MTR: variants seen among roughly 807,000 people sequenced by gnomAD.
MTR encodes the protein 5-methyltetrahydrofolate-homocysteine methyltransferase, also known as methionine synthase.
MTR carries 84 observed loss-of-function variants against 154.8 expected under a neutral mutation model. That is an observed-to-expected ratio of 0.54 (90% CI 0.45 to 0.65). The LOEUF (loss-of-function observed/expected upper bound fraction) is 0.65, where lower values mean the gene tolerates loss of function less well. MTR is among the 30% of genes least tolerant of loss of function. MTR has a pLI of 0.00. For synonymous variants in MTR, 554 were observed against 553.9 expected (o/e 1.00, Z 0.00); for missense variants, 1,275 against 1,570.2 (o/e 0.81, Z 3.18).
chr1:236,849,460 G>A (rs1663773797), intron 15 of MTR, among the ~76,000 whole-genome samples: 1 of 152,222 alleles, frequency 6.6e-6, no homozygotes, highest in Admixed American at 6.5e-5. Context: ...ATTTAAGGTA[G>A]GCTCTGAAAA....
intron 32 of MTR, among the ~76,000 whole-genome samples, 190 bp downstream of exon 32, chr1:236,897,308 A>ATGTG (rs57608445): frequency 2.3e-5 from 3 of 131,452 alleles, no homozygotes; most frequent in East Asian, 2.3e-4. Context: ...AGCCACACAC[A>ATGTG]CGCACACACA....
Position 236,897,738 on chromosome 1 carries a change from T to G in MTR, c.*94T>G. 9.1e-7 allele frequency: 1 copy of G among 1,093,866 alleles called. No individual in the cohort carries two copies. The highest frequency in any genetic ancestry group is 1.4e-6 in the Non-Finnish European group (1 of 722,410). 67.8% of individuals were successfully genotyped at this position (1,093,866 alleles called of 1,614,324 possible). On this transcript the variant is annotated 3_prime_UTR_variant, in exon 33 of 33. Transcript: ENST00000366577. ...AAATAACAACAACAAAAAACCTGTG[T>G]GCATCTGGCTGACACTTACCTGCTT...
In MTR at chr1:236,795,622, T is replaced by C; in HGVS notation, c.-82T>C. The C allele has an allele frequency of 6.2e-7, 1 of 1,606,596 alleles. No homozygotes were observed. The highest frequency in any genetic ancestry group is 8.5e-7 in the Non-Finnish European group (1 of 1,178,656). ...TGTGGCAGGCTCGCCTGGCGCTGGC[T>C]GGCGTGGCCCTTGGCCGTCGTCACC... is the stretch of plus-strand genomic sequence containing the variant. On this transcript the variant is annotated 5_prime_UTR_variant, in exon 1 of 33. Transcript: ENST00000366577.
Position 236,852,634 on chromosome 1 carries a change from C to T in MTR, c.1809C>T (p.Ile603=). 1 of 1,610,698 alleles carries T rather than the reference C, an allele frequency of 6.2e-7. No homozygotes were observed. Among genetic ancestry groups the T allele is most frequent in the South Asian group, 1.1e-5 (1 of 91,004 alleles). Reference sequence around the variant, plus strand: ...ATGGGGTTTTCCTTTACCATGCAATCAAGGTATGGTAGAAGAACTCTTAGC... The same window carrying T: ...ATGGGGTTTTCCTTTACCATGCAATTAAGGTATGGTAGAAGAACTCTTAGC... ...AMHGVFLYHA[I]KSGMDMGIVN... The change falls in exon 17 of 33, where the codon ATC becomes ATT. Residue 603 remains isoleucine (I), a synonymous_variant. Coordinates refer to ENST00000366577, the MANE Select transcript of MTR (RefSeq NM_000254.3).
chr1:236,825,680 G>C (rs1662248869), intron 10 of MTR, among the ~76,000 whole-genome samples: 1 of 152,126 alleles, frequency 6.6e-6, no homozygotes, highest in Admixed American at 6.5e-5. Flanking sequence ...TTCCCCTGCA[G>C]CCTTCCCAAA....
At chr1:236,874,944 T>C (rs746714279) in intron 24 of MTR, 98 bp downstream of exon 24, 16 of 1,342,904 alleles carry the variant, frequency 1.2e-5, no homozygotes, top group Non-Finnish European at 1.2e-5. Flanking sequence ...TTTTCCCTTA[T>C]GTTTAGTACA....
chr1:236,820,469 TC>T, intron 8 of MTR: 1 of 1,406,818 alleles, frequency 7.1e-7, no homozygotes, highest in Non-Finnish European at 9.9e-7. Context: ...GGTCTGCAGC[TC>T]CCACTGCTCA....
intron 15 of MTR, among the ~76,000 whole-genome samples, chr1:236,843,977 A>C (rs1406022051): frequency 6.6e-6 from 1 of 152,168 alleles, no homozygotes; most frequent in Non-Finnish European, 1.5e-5. Context: ...TTATTTGTAC[A>C]TGCTATTTAA....
intron 22 of MTR, among the ~76,000 whole-genome samples, chr1:236,869,669 A>T (rs1372544070): frequency 6.6e-6 from 1 of 152,206 alleles, no homozygotes; most frequent in African/African-American, 2.4e-5. Context: ...AGAGTCAAGG[A>T]AGATGGGGTT....
At chr1:236,842,702 C>A (rs76344770) in intron 15 of MTR, among the ~76,000 whole-genome samples, 3 of 150,792 alleles carry the variant, frequency 2.0e-5, no homozygotes, top group African/African-American at 4.9e-5. Flanking sequence ...GAGGAGACAA[C>A]GGAGAATAAA....
chr1:236,795,494 C>G lies in MTR; in HGVS notation c.-210C>G, dbSNP rs1660316622. 5 of 1,518,850 alleles carry G rather than the reference C, an allele frequency of 3.3e-6. No individual in the cohort carries two copies. Among genetic ancestry groups the G allele is most frequent in the Non-Finnish European group, 4.4e-6 (5 of 1,135,728 alleles). 94.1% of individuals were successfully genotyped at this position (1,518,850 alleles called of 1,614,324 possible). On this transcript the variant is annotated 5_prime_UTR_variant, in exon 1 of 33. Coordinates refer to ENST00000366577, the MANE Select transcript of MTR (RefSeq NM_000254.3). ...AGAAAGCACGTGCTCCAGCAGTTGC[C>G]GCGCCCAGCCCCGAGAGAGGCCCTA...
At chr1:236,820,185 C>T (rs1159979950) in intron 8 of MTR, 1 of 761,892 alleles carries the variant, frequency 1.3e-6, no homozygotes, top group Non-Finnish European at 2.4e-6. Flanking sequence ...AAGTTCTGCA[C>T]ATGCGTGGCA....
At chr1:236,842,456 C>T (rs1180594206) in intron 15 of MTR, among the ~76,000 whole-genome samples, 1 of 151,962 alleles carries the variant, frequency 6.6e-6, no homozygotes, top group South Asian at 2.1e-4. Flanking sequence ...ATATTTCTTT[C>T]CTGTTTTCCA....
At chr1:236,883,060 G>A (rs1397763559) in intron 25 of MTR, among the ~76,000 whole-genome samples, 1 of 152,148 alleles carries the variant, frequency 6.6e-6, no homozygotes, top group Non-Finnish European at 1.5e-5. Flanking sequence ...CTTAATGGTT[G>A]GAGATTTAGA....
chr1:236,804,213 G>T (rs1258467299), intron 2 of MTR, among the ~76,000 whole-genome samples: 3 of 152,162 alleles, frequency 2.0e-5, no homozygotes, highest in Admixed American at 2.0e-4. Context: ...GCACTGCTGT[G>T]TTCTCAATGT....
intron 24 of MTR, among the ~76,000 whole-genome samples, chr1:236,876,086 A>G (rs995103790): frequency 6.6e-6 from 1 of 152,222 alleles, no homozygotes; most frequent in Non-Finnish European, 1.5e-5. Context: ...ACTTAGGTCT[A>G]CTGATAAATG....
rs755809916 is a variant in MTR at position 236,873,744 on chromosome 1, T to C, written c.2406-29T>C. The C allele has an allele frequency of 1.9e-6, 3 of 1,596,576 alleles. No individual in the cohort carries two copies. In the East Asian group the frequency reaches 6.7e-5, roughly 36 times the overall value. ...TTTGTCTCTAATGGGCTTTCATTAA[T>C]TTTCTCATGTCTCATTTCTGTGCCT... On this transcript the variant is annotated intron_variant, in intron 22 of 32. Transcript: ENST00000366577.
intron 1 of MTR, 58 bp downstream of exon 1, chr1:236,795,795 C>T (rs1660343796): frequency 3.1e-6 from 5 of 1,612,128 alleles, no homozygotes; most frequent in Non-Finnish European, 4.2e-6. Flanking sequence ...GTGCTGTGGC[C>T]TCCTAATCCC....
At chr1:236,851,266 C>A (rs1320347927) in intron 16 of MTR, among the ~76,000 whole-genome samples, 7 of 152,204 alleles carry the variant, frequency 4.6e-5, no homozygotes, top group Admixed American at 1.3e-4. Context: ...TATTTCAGCT[C>A]TCATCCTGTA....
Sources: allele counts gnomAD v4.1 joint callset (sites outside exome capture counted in the v4.1 genomes callset), GRCh38; gene constraint gnomAD v4.1.1; transcripts MANE v1.5; gene names NCBI Gene and HGNC (gene_info 2026-07-23, HGNC 2026-07-21).